The following MACC1 variants were observed in gnomAD, a reference collection of about 807,000 sequenced individuals.
The protein encoded by MACC1 is MET transcriptional regulator MACC1.
A neutral mutation model predicts 70.7 loss-of-function variants in MACC1; 79 were observed. That is an observed-to-expected ratio of 1.12 (90% CI 0.93 to 1.35). The LOEUF is 1.35. MACC1 is among the 40% of genes most tolerant of loss of function. The probability of loss-of-function intolerance (pLI) is 0.00; values close to 1 mark genes in which losing one functional copy is unlikely to be tolerated. For synonymous variants in MACC1, 361 were observed against 347.2 expected (o/e 1.04, Z -0.44); for missense variants, 1,106 against 978.1 (o/e 1.13, Z -1.74).
intron 4 of MACC1, among the ~76,000 whole-genome samples, chr7:20,161,395 C>T (rs1782136763): frequency 6.6e-6 from 1 of 151,974 alleles, no homozygotes; most frequent in South Asian, 2.1e-4. Flanking sequence ...ACAATTACCC[C>T]TAACTCTCTT....
rs1424107729 is a variant in MACC1 at position 20,158,487 on chromosome 7, A to G, written c.1874T>C (p.Met625Thr). The change falls in exon 5 of 7, where the codon ATG becomes ACG. Residue 625 changes from methionine to threonine, a missense_variant. Coordinates refer to ENST00000400331, the MANE Select transcript of MACC1 (RefSeq NM_182762.4). The part of the protein sequence containing the change: ...KVISKEQVMF[M>T]SDSVFTTRNL... ...TCTGGTTGTAAAGACACTATCTGAC[A>G]TAAACATTACTTGCTCCTTTGAAAT... 5 of 1,614,064 alleles carry G rather than the reference A, an allele frequency of 3.1e-6. No homozygotes were observed. The highest frequency in any genetic ancestry group is 4.2e-6 in the Non-Finnish European group (5 of 1,180,006).
chr7:20,153,075 G>A (rs931677982), intron 6 of MACC1, among the ~76,000 whole-genome samples: 1 of 152,120 alleles, frequency 6.6e-6, no homozygotes, highest in East Asian at 1.9e-4. Context: ...CTAAGTTTAT[G>A]GAGATAAATG....
At chr7:20,143,103 T>A (rs1201913835) in intron 6 of MACC1, among the ~76,000 whole-genome samples, 1 of 152,202 alleles carries the variant, frequency 6.6e-6, no homozygotes, top group Non-Finnish European at 1.5e-5. Flanking sequence ...ACTTTTACAG[T>A]CAAAAGCAGC....
chr7:20,194,550 C>T (rs566741035), intron 1 of MACC1, among the ~76,000 whole-genome samples: 1 of 152,362 alleles, frequency 6.6e-6, no homozygotes, highest in South Asian at 2.1e-4. Flanking sequence ...ATTCACTCAG[C>T]TGCTGGCTCA....
At chr7:20,141,598 C>A (rs1781803565) in intron 6 of MACC1, among the ~76,000 whole-genome samples, 1 of 152,030 alleles carries the variant, frequency 6.6e-6, no homozygotes, top group Non-Finnish European at 1.5e-5. Context: ...GTATATTTAA[C>A]ATTTTAAATT....
intron 1 of MACC1, among the ~76,000 whole-genome samples, chr7:20,214,244 A>G (rs1163748803): frequency 1.3e-5 from 2 of 152,054 alleles, no homozygotes; most frequent in Admixed American, 1.3e-4. Flanking sequence ...AGCTTCCACA[A>G]CCAACCTTAT....
At chr7:20,209,915 C>T (rs1267803354) in intron 1 of MACC1, among the ~76,000 whole-genome samples, 1 of 152,118 alleles carries the variant, frequency 6.6e-6, no homozygotes, top group Non-Finnish European at 1.5e-5. Flanking sequence ...AGATCTGATG[C>T]TTTTATAATT....
chr7:20,138,305 C>A lies in MACC1; in HGVS notation c.*2641G>T, dbSNP rs1348207620. On this transcript the variant is annotated 3_prime_UTR_variant, in exon 7 of 7. Coordinates refer to ENST00000400331, the MANE Select transcript of MACC1 (RefSeq NM_182762.4). ...TTCATTTTTTTAAACTCTTATTATT[C>A]TCAATCACAATCATAATACATGATG... The A allele has an allele frequency of 6.6e-6, 1 of 151,358 alleles. No individual in the cohort carries two copies. The highest frequency in any genetic ancestry group is 1.5e-5 in the Non-Finnish European group (1 of 67,964). The allele number at this position is 151,358 out of a possible 1,614,324, so 9.4% of individuals were successfully genotyped here.
chr7:20,185,808 C>G (rs1421153472), intron 1 of MACC1, among the ~76,000 whole-genome samples: 1 of 152,138 alleles, frequency 6.6e-6, no homozygotes, highest in Non-Finnish European at 1.5e-5. Flanking sequence ...CTCCTCTAAC[C>G]CTCACAGTAA....
chr7:20,195,672 A>C (rs1032584642), intron 1 of MACC1, among the ~76,000 whole-genome samples: 2 of 152,102 alleles, frequency 1.3e-5, no homozygotes, highest in Non-Finnish European at 2.9e-5. Context: ...TCATCAGGAG[A>C]ATGTTATTGA....
Position 20,177,558 on chromosome 7 carries a change from A to G in MACC1, c.-217-6780T>C, listed in dbSNP as rs187965237. Among the ~76,000 whole-genome samples the G allele has an allele frequency of 5.3e-5, 8 of 152,094 alleles. No homozygotes were observed. The East Asian group carries it at 1.3e-3, about 26-fold the overall frequency. ...CTCTGGTGTTTCTCTTTATCCCTAT[A>G]AGTGCTTTTTTGTTCTAATTTATAT... is the stretch of plus-strand genomic sequence containing the variant. On this transcript the variant is annotated intron_variant, in intron 1 of 6. Transcript: ENST00000400331.
chr7:20,156,705 T>A (rs554406989), intron 5 of MACC1, among the ~76,000 whole-genome samples: 1 of 152,302 alleles, frequency 6.6e-6, no homozygotes, highest in East Asian at 1.9e-4. Context: ...AGCTTTTGAA[T>A]TTCAACTTCT....
intron 1 of MACC1, among the ~76,000 whole-genome samples, chr7:20,186,263 C>A (rs1031636252): frequency 8.5e-5 from 13 of 152,084 alleles, no homozygotes; most frequent in Admixed American, 6.6e-4. Flanking sequence ...GGGACACTTT[C>A]CAGGTTTTCT....
At position 20,158,272 on chromosome 7, in the gene MACC1, T is replaced by C; in HGVS notation, c.2089A>G (p.Ile697Val). ...TGGCAATCTTCCTTTAACTTCTTTATAACATAAGAAACTTTCTCTGATTCT... is the reference window on the plus strand; with the variant it reads ...TGGCAATCTTCCTTTAACTTCTTTACAACATAAGAAACTTTCTCTGATTCT... ...DKESEKVSYV[I>V]KKLKEDCHTE... Residue 697 changes from isoleucine to valine, a missense_variant, in exon 5 of 7, where the codon ATA (isoleucine) becomes GTA (valine). By Grantham distance (29) the Ile-to-Val change is conservative. Coordinates refer to ENST00000400331, the MANE Select transcript of MACC1 (RefSeq NM_182762.4). 3.7e-6 allele frequency: 6 copies of C among 1,610,134 alleles called. No individual in the cohort carries two copies. The highest frequency in any genetic ancestry group is 5.1e-6 in the Non-Finnish European group (6 of 1,179,150).
rs370752464 is a variant in MACC1, at chr7:20,158,874, G to A, written c.1487C>T (p.Pro496Leu). 3.7e-6 allele frequency: 6 copies of A among 1,613,892 alleles called. No homozygotes were observed. Among genetic ancestry groups the A allele is most frequent in the Non-Finnish European group, 5.1e-6 (6 of 1,180,010 alleles). Reference sequence around the variant, plus strand: ...AGTAGTGATAGAGAACTGTGCAACTGGTTCACCATTGGGAGGCTCCACTTG... The same window carrying A: ...AGTAGTGATAGAGAACTGTGCAACTAGTTCACCATTGGGAGGCTCCACTTG... The part of the protein sequence containing the change: ...CVQVEPPNGE[P>L]VAQFSITTPD... Residue 496 changes from proline to leucine, a missense_variant, in exon 5 of 7, where the codon CCA (proline) becomes CTA (leucine). By Grantham distance (98) the Pro-to-Leu change is moderately conservative (BLOSUM62 -3). Transcript: ENST00000400331.
At chr7:20,185,638 A>T (rs1444986881) in intron 1 of MACC1, among the ~76,000 whole-genome samples, 1 of 152,220 alleles carries the variant, frequency 6.6e-6, no homozygotes, top group African/African-American at 2.4e-5. Flanking sequence ...ATAAGATAAG[A>T]TATGAGAAAA....
intron 6 of MACC1, among the ~76,000 whole-genome samples, chr7:20,141,509 AC>A (rs1218152697): frequency 6.6e-6 from 1 of 151,634 alleles, no homozygotes; most frequent in African/African-American, 2.4e-5. Flanking sequence ...TATTTGAGAG[AC>A]TTTTAGAGTT....
chr7:20,207,036 G>C lies in MACC1; in HGVS notation c.-218+10263C>G, dbSNP rs183077475. Among the ~76,000 whole-genome samples the C allele has an allele frequency of 2.0e-4, 30 of 152,238 alleles. 1 individual carries two copies. The highest frequency in any genetic ancestry group is 6.7e-4 in the African/African-American group (28 of 41,536). ...TCACCTAGATTTTTGTGATAAATCT[G>C]ACCTGGTAAACTGCCTCCAATCTTT... On this transcript the variant is annotated intron_variant, in intron 1 of 6. Transcript: ENST00000400331.
intron 1 of MACC1, among the ~76,000 whole-genome samples, chr7:20,184,813 T>G (rs1164704177): frequency 1.3e-5 from 2 of 152,156 alleles, no homozygotes; most frequent in East Asian, 3.8e-4. Flanking sequence ...ATGATGTAAC[T>G]TTTCCCAAGG....
Sources: allele counts gnomAD v4.1 joint callset (sites outside exome capture counted in the v4.1 genomes callset), GRCh38; gene constraint gnomAD v4.1.1; transcripts MANE v1.5; gene names NCBI Gene and HGNC (gene_info 2026-07-23, HGNC 2026-07-21).